DAB1: variants seen among roughly 807,000 people sequenced by gnomAD.
DAB1 encodes the protein DAB adaptor protein 1, also known as disabled homolog 1.
DAB1 carries 15 observed loss-of-function variants against 64.6 expected under a neutral mutation model. The observed-to-expected ratio is 0.23, with a 90% CI of 0.16 to 0.36. DAB1 has a LOEUF of 0.36. Among genes scored for constraint, DAB1 ranks in the 10% least tolerant of loss-of-function variants. The probability of loss-of-function intolerance (pLI) is 1.00; values close to 1 mark genes in which losing one functional copy is unlikely to be tolerated. For synonymous variants in DAB1, 235 were observed against 251.9 expected, an observed-to-expected ratio of 0.93 and a Z score of 0.64; for missense variants, 596 against 706.7, an observed-to-expected ratio of 0.84 and a Z score of 1.78.
At chr1:57,551,698 A>G (rs530422457) in intron 7 of DAB1, among the ~76,000 whole-genome samples, 66 of 152,262 alleles carry the variant, frequency 4.3e-4, no homozygotes, top group African/African-American at 1.6e-3. Flanking sequence ...TCTGCAACTC[A>G]TTAGGTCATC....
intron 6 of DAB1, among the ~76,000 whole-genome samples, chr1:57,755,198 C>A (rs1648748711): frequency 6.6e-6 from 1 of 151,792 alleles, no homozygotes; most frequent in Non-Finnish European, 1.5e-5. Context: ...AATTTTAGGC[C>A]CAGTTTGTCA....
chr1:57,485,290 A>T (rs1324286920), intron 7 of DAB1, among the ~76,000 whole-genome samples: 1 of 152,146 alleles, frequency 6.6e-6, no homozygotes, highest in African/African-American at 2.4e-5. Flanking sequence ...AGTAGTTAAG[A>T]GATTGTTCTA....
At chr1:58,028,858 G>A (rs1343068349) in intron 5 of DAB1, among the ~76,000 whole-genome samples, 38 of 152,146 alleles carry the variant, frequency 2.5e-4, no homozygotes, top group Non-Finnish European at 1.5e-5. Context: ...CTGCATAGTG[G>A]TTAAGTTGAG....
chr1:57,110,191 A>G (rs1177544488), intron 4 of DAB1, among the ~76,000 whole-genome samples: 1 of 152,228 alleles, frequency 6.6e-6, no homozygotes, highest in Non-Finnish European at 1.5e-5. Flanking sequence ...AACATGAGCG[A>G]GACCAGTCTC....
At chr1:58,452,859 A>C (rs548813033) in intron 3 of DAB1, among the ~76,000 whole-genome samples, 26 of 151,988 alleles carry the variant, frequency 1.7e-4, no homozygotes, top group Admixed American at 5.9e-4. Flanking sequence ...CAAAACAAAA[A>C]AAAAACAAAG....
intron 5 of DAB1, among the ~76,000 whole-genome samples, chr1:57,995,827 A>G (rs1646416524): frequency 6.6e-6 from 1 of 151,946 alleles, no homozygotes; most frequent in Non-Finnish European, 1.5e-5. Context: ...TTTCTCAGAA[A>G]AAAAAAAAGG....
At chr1:57,698,549 C>G (rs1341581910) in intron 6 of DAB1, among the ~76,000 whole-genome samples, 2 of 152,124 alleles carry the variant, frequency 1.3e-5, no homozygotes, top group Non-Finnish European at 2.9e-5. Flanking sequence ...AAGAGTATGT[C>G]GTCTGGAGGT....
At chr1:57,908,082 CAAT>C (rs1227511602) in intron 5 of DAB1, among the ~76,000 whole-genome samples, 15 of 152,126 alleles carry the variant, frequency 9.9e-5, no homozygotes, top group African/African-American at 3.6e-4. Context: ...GTCTTATATG[CAAT>C]CCATCATTGC....
chr1:58,297,111 T>C (rs1662012737), intron 4 of DAB1, among the ~76,000 whole-genome samples: 1 of 152,200 alleles, frequency 6.6e-6, no homozygotes, highest in Non-Finnish European at 1.5e-5. Flanking sequence ...AAGTAGTATT[T>C]AATCAATGTT....
chr1:57,070,153 CT>C (rs1185717737), intron 7 of DAB1, among the ~76,000 whole-genome samples: 1 of 152,184 alleles, frequency 6.6e-6, no homozygotes, highest in Non-Finnish European at 1.5e-5. Context: ...CATTATTTTA[CT>C]TTCATTGTAG....
intron 1 of DAB1, among the ~76,000 whole-genome samples, chr1:57,838,314 G>GA (rs1034686699): frequency 3.3e-5 from 5 of 152,028 alleles, no homozygotes; most frequent in African/African-American, 9.7e-5. Context: ...CATTTACATG[G>GA]AAAAAAATTC....
At chr1:58,082,218 A>T (rs1650038072) in intron 5 of DAB1, among the ~76,000 whole-genome samples, 1 of 152,126 alleles carries the variant, frequency 6.6e-6, no homozygotes, top group Non-Finnish European at 1.5e-5. Flanking sequence ...TTTATACCAA[A>T]CCCAGAGTGG....
chr1:58,153,246 T>C (rs527462314), intron 4 of DAB1, among the ~76,000 whole-genome samples: 33 of 152,340 alleles, frequency 2.2e-4, no homozygotes, highest in African/African-American at 7.7e-4. Flanking sequence ...GTTTGCTGAA[T>C]GACTGGATGG....
rs550663383 is a variant in DAB1, at chr1:57,456,209, A to T, written n.626-165043T>A. 2.3e-4 allele frequency among the ~76,000 whole-genome samples: 35 copies of T among 152,222 alleles called. No homozygotes were observed. In the Middle Eastern group the frequency reaches 0.01, roughly 44 times the overall value. On this transcript the variant is annotated intron_variant and non_coding_transcript_variant, in intron 7 of 20. Coordinates refer to the DAB1 transcript ENST00000485760. ...TAAAAGTTCAGTGCTCAGGTATTTC[A>T]TTTTTCTCTTTTCAAAGCTAAACAT...
chr1:57,251,678 A>G (rs1169836793), intron 2 of DAB1, among the ~76,000 whole-genome samples: 1 of 152,208 alleles, frequency 6.6e-6, no homozygotes, highest in Non-Finnish European at 1.5e-5. Context: ...AAGCAAAGAA[A>G]AAAAAATCTT....
At chr1:57,840,037 C>T (rs1482994591) in intron 1 of DAB1, among the ~76,000 whole-genome samples, 2 of 152,086 alleles carry the variant, frequency 1.3e-5, no homozygotes, top group Non-Finnish European at 2.9e-5. Context: ...TTATTGTTGG[C>T]CTTTGAGTCT....
intron 7 of DAB1, among the ~76,000 whole-genome samples, chr1:57,483,601 G>T (rs943834370): frequency 6.6e-6 from 1 of 151,908 alleles, no homozygotes; most frequent in Non-Finnish European, 1.5e-5. Context: ...ACTTTTTTTT[G>T]TTGTTGTTTT....
intron 5 of DAB1, among the ~76,000 whole-genome samples, chr1:58,103,893 C>T (rs1469946699): frequency 4.6e-5 from 7 of 152,130 alleles, no homozygotes; most frequent in Non-Finnish European, 7.3e-5. Flanking sequence ...ACATTTTCTT[C>T]GTGGAGGTCA....
At chr1:58,002,928 A>G (rs1646528838) in intron 5 of DAB1, among the ~76,000 whole-genome samples, 1 of 152,158 alleles carries the variant, frequency 6.6e-6, no homozygotes, top group African/African-American at 2.4e-5. Context: ...GGGTGATACT[A>G]TCTGTTATAC....
Sources: allele counts gnomAD v4.1 joint callset (sites outside exome capture counted in the v4.1 genomes callset), GRCh38; gene constraint gnomAD v4.1.1; transcripts MANE v1.5; gene names NCBI Gene and HGNC (gene_info 2026-07-23, HGNC 2026-07-21).